NSMCE2: variants seen among roughly 807,000 people sequenced by gnomAD.
The protein encoded by NSMCE2 is NSE2 SUMO ligase component of SMC5/6 complex, also known as E3 SUMO-protein ligase NSE2.
NSMCE2 carries 24 observed loss-of-function variants against 23.8 expected under a neutral mutation model. The observed-to-expected ratio is 1.01, with a 90% CI of 0.73 to 1.42. NSMCE2 has a LOEUF of 1.42. NSMCE2 is among the 40% of genes most tolerant of loss of function. The pLI, the probability that NSMCE2 is intolerant of heterozygous loss-of-function variation, is 0.00. For synonymous variants in NSMCE2, 92 were observed against 94.1 expected, an observed-to-expected ratio of 0.98 and a Z score of 0.13; for missense variants, 284 against 296.5, an observed-to-expected ratio of 0.96 and a Z score of 0.31.
chr8:125,146,225 G>T (rs975891642), intron 3 of NSMCE2, among the ~76,000 whole-genome samples: 1 of 152,112 alleles, frequency 6.6e-6, no homozygotes, highest in Non-Finnish European at 1.5e-5. Context: ...TGGAGGAGTC[G>T]GAGGTGCTTG....
At chr8:125,230,772 A>G (rs1228003359) in intron 5 of NSMCE2, among the ~76,000 whole-genome samples, 1 of 152,234 alleles carries the variant, frequency 6.6e-6, no homozygotes, top group East Asian at 1.9e-4. Flanking sequence ...ACAAATACCT[A>G]AAAATGGAAA....
Position 125,102,434 on chromosome 8 carries a change from A to T in NSMCE2, c.104A>T (p.Asn35Ile). ...TTGAAAAACTTCCAAGCCTGTATCA[A>T]CTCTGGTATGGACACAGCTTCTAGT... The part of the protein sequence containing the change: ...SSLKNFQACI[N>I]SGMDTASSVA... Residue 35 changes from asparagine to isoleucine, a missense_variant, in exon 3 of 8, where the codon AAC (asparagine) becomes ATC (isoleucine). Physicochemically the swap from Asn to Ile is moderately radical, Grantham distance 149. Coordinates refer to ENST00000287437, the MANE Select transcript of NSMCE2 (RefSeq NM_173685.4). 1 of 1,613,808 alleles carries T rather than the reference A, an allele frequency of 6.2e-7. No homozygotes were observed. The highest frequency in any genetic ancestry group is 8.5e-7 in the Non-Finnish European group (1 of 1,179,844).
intron 1 of NSMCE2, among the ~76,000 whole-genome samples, chr8:125,096,935 G>C (rs1817967145): frequency 6.6e-6 from 1 of 151,950 alleles, no homozygotes; most frequent in Admixed American, 6.6e-5. Context: ...TAAAGTGTGC[G>C]TGACTCCATT....
intron 7 of NSMCE2, among the ~76,000 whole-genome samples, chr8:125,364,446 T>C (rs1813698954): frequency 6.6e-6 from 1 of 152,208 alleles, no homozygotes; most frequent in Non-Finnish European, 1.5e-5. Flanking sequence ...GCATCTTTAC[T>C]GTGGTTTGCA....
intron 5 of NSMCE2, among the ~76,000 whole-genome samples, chr8:125,188,039 C>T (rs769003094): frequency 2.6e-5 from 4 of 152,026 alleles, no homozygotes; most frequent in Non-Finnish European, 5.9e-5. Context: ...TTGTATCAGA[C>T]ATATAGAGAC....
chr8:125,137,094 TA>T (rs964913541), intron 3 of NSMCE2, among the ~76,000 whole-genome samples: 18 of 152,112 alleles, frequency 1.2e-4, no homozygotes, highest in Non-Finnish European at 2.2e-4. Flanking sequence ...ATTTTTTTTT[TA>T]CTTTCCAACA....
rs16900466 is a variant in NSMCE2 at position 125,242,959 on chromosome 8, A to G, written c.418+60703A>G. ...CTTTTGCTGGAACCTAAAAGTTTAT[A>G]TCAAAAACCCACAACATTTTTGATA... is the stretch of plus-strand genomic sequence containing the variant. On this transcript the variant is annotated intron_variant, in intron 5 of 7. Transcript: ENST00000287437. Among the ~76,000 whole-genome samples the G allele has an allele frequency of 5.7e-3, 868 of 152,238 alleles. 11 individuals carry two copies. Among genetic ancestry groups the G allele is most frequent in the African/African-American group, 0.02 (821 of 41,528 alleles).
intron 5 of NSMCE2, among the ~76,000 whole-genome samples, chr8:125,222,908 A>G (rs551367363): frequency 6.6e-6 from 1 of 152,022 alleles, no homozygotes; most frequent in Non-Finnish European, 1.5e-5. Flanking sequence ...ACAAAAGGAA[A>G]AGAAATAGCC....
chr8:125,153,056 CAAAAAAA>C (rs768246218), intron 4 of NSMCE2, among the ~76,000 whole-genome samples: 3 of 47,458 alleles, frequency 6.3e-5, no homozygotes, highest in Non-Finnish European at 9.7e-5. Context: ...GACTCCGTCT[CAAAAAAA>C]AAAAAAAAAA....
At chr8:125,242,906 A>G (rs1825813478) in intron 5 of NSMCE2, among the ~76,000 whole-genome samples, 1 of 152,220 alleles carries the variant, frequency 6.6e-6, no homozygotes, top group African/African-American at 2.4e-5. Flanking sequence ...GAGGAGAGTC[A>G]TCTTTAAGCT....
intron 5 of NSMCE2, among the ~76,000 whole-genome samples, chr8:125,226,463 C>G (rs1015284195): frequency 4.6e-5 from 7 of 152,062 alleles, no homozygotes; most frequent in Admixed American, 4.6e-4. Flanking sequence ...GAGAGGTGTA[C>G]AGCTGCTCTT....
chr8:125,246,912 G>T (rs189960752), intron 5 of NSMCE2, among the ~76,000 whole-genome samples: 1 of 151,778 alleles, frequency 6.6e-6, no homozygotes, highest in East Asian at 1.9e-4. Flanking sequence ...CTCTTGTGTG[G>T]TTAAAATACT....
intron 5 of NSMCE2, among the ~76,000 whole-genome samples, chr8:125,282,437 A>T (rs1449141000): frequency 6.6e-6 from 1 of 152,194 alleles, no homozygotes; most frequent in Non-Finnish European, 1.5e-5. Context: ...TTTAAATATT[A>T]GCTATTGATT....
chr8:125,322,331 G>T lies in NSMCE2; in HGVS notation c.419-34888G>T, dbSNP rs925771961. ...GACAGTGAGTTATCATTGTGCCACTGCACTGCAGTCTGAGAGTGAGTGAAG... is the reference window on the plus strand; with the variant it reads ...GACAGTGAGTTATCATTGTGCCACTTCACTGCAGTCTGAGAGTGAGTGAAG... On this transcript the variant is annotated intron_variant, in intron 5 of 7. Coordinates refer to ENST00000287437, the MANE Select transcript of NSMCE2 (RefSeq NM_173685.4). Among the ~76,000 whole-genome samples the T allele has an allele frequency of 4.6e-5, 7 of 152,324 alleles. No homozygotes were observed. The East Asian group carries it at 1.3e-3, about 29-fold the overall frequency.
intron 5 of NSMCE2, among the ~76,000 whole-genome samples, chr8:125,190,953 C>T (rs2130826836): frequency 6.6e-6 from 1 of 152,118 alleles, no homozygotes; most frequent in East Asian, 1.9e-4. Flanking sequence ...TCACTGCAAC[C>T]TCTGCCTCCC....
At chr8:125,233,169 T>C (rs16900455) in intron 5 of NSMCE2, among the ~76,000 whole-genome samples, 2,968 of 152,294 alleles carry the variant, frequency 0.019, 94 homozygotes, top group African/African-American at 0.068. Context: ...CTAGGCAACA[T>C]AGGTATGTAA....
intron 1 of NSMCE2, among the ~76,000 whole-genome samples, chr8:125,095,229 A>G (rs954365641): frequency 6.6e-6 from 1 of 152,184 alleles, no homozygotes; most frequent in Non-Finnish European, 1.5e-5. Context: ...TTCATCACAG[A>G]AAGTTCTATT....
rs192218242 is a variant in NSMCE2 at position 125,233,323 on chromosome 8, T to G, written c.418+51067T>G. Among the ~76,000 whole-genome samples the G allele has an allele frequency of 2.8e-4, 42 of 152,330 alleles. 1 individual carries two copies. The East Asian group carries it at 7.5e-3, about 27-fold the overall frequency. On this transcript the variant is annotated intron_variant, in intron 5 of 7. Transcript: ENST00000287437. The stretch of plus-strand genomic sequence containing the variant: ...GGTAAATCAGAACCATTTTTGTGAT[T>G]AATTTTTATTGATCTTTTTAAATTT...
At chr8:125,136,403 C>T (rs1361257817) in intron 3 of NSMCE2, among the ~76,000 whole-genome samples, 2 of 152,178 alleles carry the variant, frequency 1.3e-5, no homozygotes, top group Non-Finnish European at 2.9e-5. Flanking sequence ...AATAGATAGA[C>T]ATTTGTGACT....
Sources: allele counts gnomAD v4.1 joint callset (sites outside exome capture counted in the v4.1 genomes callset), GRCh38; gene constraint gnomAD v4.1.1; transcripts MANE v1.5; gene names NCBI Gene and HGNC (gene_info 2026-07-23, HGNC 2026-07-21).